Variants in SHISA3 observed in about 807,000 individuals in gnomAD.
The protein encoded by SHISA3 is protein shisa-3 homolog.
Under a neutral mutation model 19.2 loss-of-function variants are expected in SHISA3, and 15 were observed. The observed-to-expected ratio is 0.78, with a 90% confidence interval of 0.52 to 1.20. The LOEUF (loss-of-function observed/expected upper bound fraction) is 1.20. Ranked by LOEUF, SHISA3 falls within the 50% of genes most tolerant of loss-of-function variation. The probability of loss-of-function intolerance (pLI) is 0.00; values close to 1 mark genes in which losing one functional copy is unlikely to be tolerated. For missense variants in SHISA3, 327 were observed against 315.7 expected, an observed-to-expected ratio of 1.04 and a Z score of -0.27; for synonymous variants, 145 against 135.2, an observed-to-expected ratio of 1.07 and a Z score of -0.50.
At position 42,397,823 on chromosome 4, in the gene SHISA3, C is replaced by G. The variant is rs1325870888; in HGVS notation, c.-234C>G. ...GCCTCTGCCGGCGCCTCCCGCAGGC[C>G]CTCGCCAACTCGCCCCGCGCACCAT... On this transcript the variant is annotated 5_prime_UTR_variant, in exon 1 of 2. Transcript: ENST00000319234. The G allele has an allele frequency of 2.3e-6, 1 of 441,614 alleles. No homozygotes were observed. The highest frequency in any genetic ancestry group is 3.9e-6 in the Non-Finnish European group (1 of 253,282). 27.4% of individuals were successfully genotyped at this position (441,614 alleles called of 1,614,324 possible). A position where few individuals can be genotyped will look rare whatever the true frequency, so the allele number is the denominator to read the frequency against.
chr4:42,398,791 T>C (rs1192337947), intron 1 of SHISA3, among the ~76,000 whole-genome samples: 2 of 152,034 alleles, frequency 1.3e-5, no homozygotes, highest in African/African-American at 2.4e-5. Flanking sequence ...GCGCGCTCAT[T>C]TGCAGCCCTT....
chr4:42,397,881 G>A lies in SHISA3; in HGVS notation c.-176G>A. On this transcript the variant is annotated 5_prime_UTR_variant, in exon 1 of 2. Coordinates refer to ENST00000319234, the MANE Select transcript of SHISA3 (RefSeq NM_001080505.3). ...CCCGGCCTGCGGAACTCGTAGTGCA[G>A]CCCCTGTCGCCTCCCCGGCCCCTGC... The A allele has an allele frequency of 6.9e-6, 4 of 575,986 alleles. No individual in the cohort carries two copies. The highest frequency in any genetic ancestry group is 2.4e-5 in the South Asian group (1 of 41,956). The allele number at this position is 575,986 out of a possible 1,614,324, so 35.7% of individuals were successfully genotyped here. A position where few individuals can be genotyped will look rare whatever the true frequency, so the allele number is the denominator to read the frequency against.
At position 42,401,900 on chromosome 4, in the gene SHISA3, C is replaced by T. The variant is rs1711935922; in HGVS notation, c.*449C>T. On this transcript the variant is annotated 3_prime_UTR_variant, in exon 2 of 2. Transcript: ENST00000319234. ...ATCAAAGGTTCACTTAAAAAATTAA[C>T]TATTAGGTAAACTTAAGGGGGCAGT... is the stretch of plus-strand genomic sequence containing the variant. 1.3e-5 allele frequency: 2 copies of T among 154,342 alleles called. No homozygotes were observed. The allele number at this position is 154,342 out of a possible 1,614,324, so 9.6% of individuals were successfully genotyped here.
rs138831153 is a variant in SHISA3 at position 42,401,351 on chromosome 4, A to G, written c.617A>G (p.Gln206Arg). 2 of 1,614,082 alleles carry G rather than the reference A, an allele frequency of 1.2e-6. No homozygotes were observed. The highest frequency in any genetic ancestry group is 1.3e-5 in the African/African-American group (1 of 74,922). Residue 206 changes from glutamine (Q) to arginine (R), a missense_variant, in exon 2 of 2, where the codon CAG becomes CGG. Transcript: ENST00000319234. ...ACCAGCCACTCAATCCACCTGGCTC[A>G]GCCATCTGGTTTCCTGGTGTCACCC... ...YTTSHSIHLAQPSGFLVSPQY... is the reference protein window; with the variant it reads ...YTTSHSIHLARPSGFLVSPQY...
chr4:42,401,319 A>G lies in SHISA3; in HGVS notation c.585A>G (p.Pro195=), dbSNP rs766245724. Residue 195 remains proline, a synonymous_variant, in exon 2 of 2, where the codon CCA becomes CCG. Coordinates refer to ENST00000319234, the MANE Select transcript of SHISA3 (RefSeq NM_001080505.3). The part of the protein sequence containing the change: ...PGCLVPSPPP[P]YTTSHSIHLA... Reference sequence around the variant, plus strand: ...GCCTGGTGCCCTCACCGCCCCCGCCATACACCACCAGCCACTCAATCCACC... The same window carrying G: ...GCCTGGTGCCCTCACCGCCCCCGCCGTACACCACCAGCCACTCAATCCACC... 1.9e-6 allele frequency: 3 copies of G among 1,614,088 alleles called. No individual in the cohort carries two copies. Among genetic ancestry groups the G allele is most frequent in the Non-Finnish European group, 1.7e-6 (2 of 1,180,008 alleles).
intron 1 of SHISA3, among the ~76,000 whole-genome samples, 179 bp downstream of exon 1, chr4:42,398,512 G>A (rs1007917393): frequency 7.2e-5 from 11 of 152,312 alleles, no homozygotes; most frequent in African/African-American, 2.6e-4. Flanking sequence ...TCAGATCATG[G>A]TCCTCTATTC....
Position 42,398,209 on chromosome 4 carries a change from G to A in SHISA3, c.153G>A (p.Leu51=). 1 of 1,601,324 alleles carries A rather than the reference G, an allele frequency of 6.2e-7. No homozygotes were observed. The highest frequency in any genetic ancestry group is 8.5e-7 in the Non-Finnish European group (1 of 1,174,194). The change falls in exon 1 of 2, where the codon CTG becomes CTA. Residue 51 remains leucine, a synonymous_variant. Coordinates refer to ENST00000319234, the MANE Select transcript of SHISA3 (RefSeq NM_001080505.3). ...AGTGCCCAGAGGACTTCGACACGCTGGACGCTACCATCTGCTGCGGCTCCT... is the reference window on the plus strand; with the variant it reads ...AGTGCCCAGAGGACTTCGACACGCTAGACGCTACCATCTGCTGCGGCTCCT... ...GFQCPEDFDT[L]DATICCGSCA...
chr4:42,399,594 G>C (rs1033967190), intron 1 of SHISA3, among the ~76,000 whole-genome samples: 99 of 152,302 alleles, frequency 6.5e-4, no homozygotes, highest in African/African-American at 2.3e-3. Context: ...CTCCCTACTC[G>C]GCTCGGATGC....
Position 42,397,818 on chromosome 4 carries a change from C to A in SHISA3, c.-239C>A, listed in dbSNP as rs1711779891. On this transcript the variant is annotated 5_prime_UTR_variant, in exon 1 of 2. Coordinates refer to ENST00000319234, the MANE Select transcript of SHISA3 (RefSeq NM_001080505.3). The stretch of plus-strand genomic sequence containing the variant: ...CAACTGCCTCTGCCGGCGCCTCCCG[C>A]AGGCCCTCGCCAACTCGCCCCGCGC... 2.3e-6 allele frequency: 1 copy of A among 440,952 alleles called. No homozygotes were observed. The highest frequency in any genetic ancestry group is 5.4e-5 in the South Asian group (1 of 18,654). The allele number at this position is 440,952 out of a possible 1,614,324, so 27.3% of individuals were successfully genotyped here.
intron 1 of SHISA3, among the ~76,000 whole-genome samples, chr4:42,399,008 T>G (rs922562238): frequency 2.0e-5 from 3 of 152,156 alleles, no homozygotes; most frequent in Admixed American, 1.3e-4. Context: ...CCGCCCCCTA[T>G]TCTCACTTCG....
rs78762584 is a variant in SHISA3, at chr4:42,400,369, G to T, written c.278-643G>T. 3.9e-4 allele frequency among the ~76,000 whole-genome samples: 60 copies of T among 152,306 alleles called. No homozygotes were observed. In the East Asian group the frequency reaches 0.011, roughly 28 times the overall value. Reference sequence around the variant, plus strand: ...GGCTTGGATGGGAATTGAGAGGCACGGCAGCTGGAGTGGGTATTCCAAATC... The same window carrying T: ...GGCTTGGATGGGAATTGAGAGGCACTGCAGCTGGAGTGGGTATTCCAAATC... On this transcript the variant is annotated intron_variant, in intron 1 of 1. Transcript: ENST00000319234.
Position 42,401,392 on chromosome 4 carries a change from C to A in SHISA3, c.658C>A (p.Pro220Thr), listed in dbSNP as rs752582763. The A allele has an allele frequency of 6.2e-7, 1 of 1,610,234 alleles. No homozygotes were observed. Among genetic ancestry groups the A allele is most frequent in the Non-Finnish European group, 8.5e-7 (1 of 1,178,294 alleles). Residue 220 changes from proline (P) to threonine (T), a missense_variant, in exon 2 of 2, where the codon CCC becomes ACC. Physicochemically the swap from Pro to Thr is conservative, Grantham distance 38. Coordinates refer to ENST00000319234, the MANE Select transcript of SHISA3 (RefSeq NM_001080505.3). ...FLVSPQYFAY[P>T]LQQEPPLPGK... ...GGTGTCACCCCAGTATTTCGCTTACCCCCTCCAGCAGGAGCCCCCACTGCC... is the reference window on the plus strand; with the variant it reads ...GGTGTCACCCCAGTATTTCGCTTACACCCTCCAGCAGGAGCCCCCACTGCC...
Position 42,398,170 on chromosome 4 carries a change from C to T in SHISA3, c.114C>T (p.Tyr38=). Residue 38 remains tyrosine, a synonymous_variant, in exon 1 of 2, where the codon TAC becomes TAT. Transcript: ENST00000319234. The part of the protein sequence containing the change: ...CHGWVDVQGN[Y]HEGFQCPEDF... ...GCTGGGTGGACGTGCAGGGCAACTA[C>T]CACGAGGGCTTCCAGTGCCCAGAGG... 1 of 1,607,114 alleles carries T rather than the reference C, an allele frequency of 6.2e-7. No homozygotes were observed. Among genetic ancestry groups the T allele is most frequent in the Admixed American group, 1.7e-5 (1 of 59,400 alleles).
intron 1 of SHISA3, among the ~76,000 whole-genome samples, chr4:42,399,210 A>G (rs1156742371): frequency 6.6e-6 from 1 of 152,170 alleles, no homozygotes; most frequent in Non-Finnish European, 1.5e-5. Flanking sequence ...GTGACACCCC[A>G]GGACTCCAGA....
In SHISA3 at chr4:42,402,055, A is replaced by G. The variant is rs1010894335; in HGVS notation, c.*604A>G. The G allele has an allele frequency of 2.6e-5, 4 of 152,260 alleles. No individual in the cohort carries two copies. The highest frequency in any genetic ancestry group is 2.0e-4 in the Admixed American group (3 of 15,288). 9.4% of individuals were successfully genotyped at this position (152,260 alleles called of 1,614,324 possible). ...AGTTTTTCCAGAATACAAGGTTTCA[A>G]TAATCACATGAGGAGTTTAAAGTTT... On this transcript the variant is annotated 3_prime_UTR_variant, in exon 2 of 2. Coordinates refer to ENST00000319234, the MANE Select transcript of SHISA3 (RefSeq NM_001080505.3).
rs1201028423 is a variant in SHISA3, at chr4:42,401,426, G to A, written c.692G>A (p.Ser231Asn). 2 of 1,590,076 alleles carry A rather than the reference G, an allele frequency of 1.3e-6. No individual in the cohort carries two copies. Among genetic ancestry groups the A allele is most frequent in the African/African-American group, 1.3e-5 (1 of 74,566 alleles). Residue 231 changes from serine (S) to asparagine (N), a missense_variant, in exon 2 of 2, where the codon AGC becomes AAC. Ser to Asn is a conservative substitution (Grantham distance 46). Coordinates refer to ENST00000319234, the MANE Select transcript of SHISA3 (RefSeq NM_001080505.3). ...LQQEPPLPGK[S>N]CPDFSSS ...CAGGAGCCCCCACTGCCTGGGAAGA[G>A]CTGTCCAGACTTCAGTTCCAGTTGA...
intron 1 of SHISA3, among the ~76,000 whole-genome samples, chr4:42,398,732 C>T (rs1560286869): frequency 1.3e-5 from 2 of 152,192 alleles, no homozygotes; most frequent in African/African-American, 4.8e-5. Flanking sequence ...GCCCTTGTCA[C>T]TTCGGGAGCT....
rs1711910200 is a variant in SHISA3, at chr4:42,401,232, G to C, written c.498G>C (p.Thr166=). ...RAPSRQSSTA[T]SSSSTGGSIR... ...CCTCCCGGCAGTCCAGCACAGCCACGAGCTCCAGCTCCACAGGCGGCTCCA... is the reference window on the plus strand; with the variant it reads ...CCTCCCGGCAGTCCAGCACAGCCACCAGCTCCAGCTCCACAGGCGGCTCCA... The change falls in exon 2 of 2, where the codon ACG becomes ACC. Residue 166 remains threonine, a synonymous_variant. Transcript: ENST00000319234. The C allele has an allele frequency of 5.0e-6, 8 of 1,614,156 alleles. No individual in the cohort carries two copies. Among genetic ancestry groups the C allele is most frequent in the Non-Finnish European group, 6.8e-6 (8 of 1,180,022 alleles).
In SHISA3 at chr4:42,398,268, C is replaced by T; in HGVS notation, c.212C>T (p.Ala71Val). 6.4e-7 allele frequency: 1 copy of T among 1,568,582 alleles called. No homozygotes were observed. Among genetic ancestry groups the T allele is most frequent in the Non-Finnish European group, 8.6e-7 (1 of 1,157,326 alleles). ...CGCTACTGTTGCGCCGCGGCCGACGCCAGGCTGGAGCAGGGCGGCTGCACC... is the reference window on the plus strand; with the variant it reads ...CGCTACTGTTGCGCCGCGGCCGACGTCAGGCTGGAGCAGGGCGGCTGCACC... ...ALRYCCAAAD[A>V]RLEQGGCTND... Residue 71 changes from alanine to valine, a missense_variant, in exon 1 of 2, where the codon GCC becomes GTC. Coordinates refer to ENST00000319234, the MANE Select transcript of SHISA3 (RefSeq NM_001080505.3).
Sources: allele counts gnomAD v4.1 joint callset (sites outside exome capture counted in the v4.1 genomes callset), GRCh38; gene constraint gnomAD v4.1.1; transcripts MANE v1.5; gene names NCBI Gene and HGNC (gene_info 2026-07-23, HGNC 2026-07-21).